The following TMEFF2 variants were observed in gnomAD, a reference collection of about 807,000 sequenced individuals.
The protein encoded by TMEFF2 is transmembrane protein with EGF like and two follistatin like domains 2.
Under a neutral mutation model 53.8 loss-of-function variants are expected in TMEFF2, and 28 were observed. The ratio of observed to expected loss-of-function variants is 0.52; its 90% CI spans 0.39 to 0.71. TMEFF2 has a LOEUF of 0.71. TMEFF2 is among the 30% of genes least tolerant of loss of function. The pLI, the probability that TMEFF2 is intolerant of heterozygous loss-of-function variation, is 0.00. For synonymous variants in TMEFF2, 162 were observed against 166.3 expected (o/e 0.97, Z 0.20); for missense variants, 353 against 455.2 (o/e 0.78, Z 2.04).
At chr2:191,988,967 T>C (rs1442526750) in intron 7 of TMEFF2, among the ~76,000 whole-genome samples, 1 of 152,216 alleles carries the variant, frequency 6.6e-6, no homozygotes, top group Non-Finnish European at 1.5e-5. Context: ...TAAAAAGCAT[T>C]TGCTAGCATA....
intron 4 of TMEFF2, among the ~76,000 whole-genome samples, chr2:192,158,866 A>G (rs559265447): frequency 6.6e-6 from 1 of 152,278 alleles, no homozygotes; most frequent in African/African-American, 2.4e-5. Flanking sequence ...ATGCCAAATT[A>G]TTCAACACCT....
intron 4 of TMEFF2, among the ~76,000 whole-genome samples, chr2:192,160,355 A>T (rs1219863305): frequency 1.3e-5 from 2 of 152,198 alleles, no homozygotes; most frequent in African/African-American, 2.4e-5. Context: ...CACTTTAGTG[A>T]TAGATGTTTA....
rs140451688 is a variant in TMEFF2, at chr2:192,098,105, TA to T, written c.440-40331del. ...CAATGCTTTTGGCTAGGAAGTGATC[TA>T]AAAATAATATTCTCAAATTTGAATT... On this transcript the variant is annotated intron_variant, in intron 4 of 9. Coordinates refer to ENST00000272771, the MANE Select transcript of TMEFF2 (RefSeq NM_016192.4). Among the ~76,000 whole-genome samples, 1,052 of 152,328 alleles carry T rather than the reference TA, an allele frequency of 6.9e-3. 18 individuals are homozygous for T. Among genetic ancestry groups the T allele is most frequent in the African/African-American group, 0.023 (944 of 41,572 alleles).
chr2:192,060,110 G>C (rs1688008966), intron 4 of TMEFF2, among the ~76,000 whole-genome samples: 1 of 151,772 alleles, frequency 6.6e-6, no homozygotes, highest in Admixed American at 6.6e-5. Flanking sequence ...TTAGTTTGGG[G>C]CTTCAATATG....
In TMEFF2 at chr2:192,079,794, C is replaced by T. The variant is rs369853539; in HGVS notation, c.440-22019G>A. On this transcript the variant is annotated intron_variant, in intron 4 of 9. Coordinates refer to ENST00000272771, the MANE Select transcript of TMEFF2 (RefSeq NM_016192.4). ...TTGTTTTTTATTAGTTTTTAAATAACCCAAACATGTGTATTGCTTGGTATT... is the reference window on the plus strand; with the variant it reads ...TTGTTTTTTATTAGTTTTTAAATAATCCAAACATGTGTATTGCTTGGTATT... Among the ~76,000 whole-genome samples the T allele has an allele frequency of 3.2e-4, 48 of 152,080 alleles. 2 individuals carry two copies. In the South Asian group the frequency reaches 9.3e-3, roughly 30 times the overall value.
chr2:192,102,950 C>G (rs1462198962), intron 4 of TMEFF2, among the ~76,000 whole-genome samples: 1 of 148,916 alleles, frequency 6.7e-6, no homozygotes, highest in Non-Finnish European at 1.5e-5. Flanking sequence ...TTTTTTTTTT[C>G]TATGAGCATT....
At chr2:191,952,129 A>G (rs1691904100) in intron 9 of TMEFF2, among the ~76,000 whole-genome samples, 1 of 152,172 alleles carries the variant, frequency 6.6e-6, no homozygotes, top group South Asian at 2.1e-4. Context: ...GAAAGTGGAG[A>G]TAATTGTTTC....
At chr2:192,089,422 T>C (rs1244763479) in intron 4 of TMEFF2, among the ~76,000 whole-genome samples, 2 of 150,690 alleles carry the variant, frequency 1.3e-5, no homozygotes, top group Non-Finnish European at 2.9e-5. Flanking sequence ...AATTCTGTGA[T>C]AACTCCAGAG....
chr2:192,021,126 A>AGG (rs897963820), intron 5 of TMEFF2, among the ~76,000 whole-genome samples: 2 of 152,152 alleles, frequency 1.3e-5, no homozygotes, highest in African/African-American at 4.8e-5. Context: ...TTGCAAGCAC[A>AGG]GGTGTTGTCT....
intron 4 of TMEFF2, among the ~76,000 whole-genome samples, chr2:192,144,411 C>A (rs1690204362): frequency 6.6e-6 from 1 of 152,068 alleles, no homozygotes; most frequent in African/African-American, 2.4e-5. Flanking sequence ...CAGACTCATA[C>A]TCATCCCATA....
chr2:192,016,226 A>C (rs183821903), intron 5 of TMEFF2, among the ~76,000 whole-genome samples: 1 of 152,354 alleles, frequency 6.6e-6, no homozygotes, highest in Admixed American at 6.5e-5. Flanking sequence ...ATTAGAAATC[A>C]GGGTATAGGG....
intron 7 of TMEFF2, among the ~76,000 whole-genome samples, chr2:191,987,053 C>G (rs1167267202): frequency 6.6e-6 from 1 of 152,000 alleles, no homozygotes; most frequent in Non-Finnish European, 1.5e-5. Context: ...TAATCCCTAG[C>G]ACCAAAAAGC....
In TMEFF2 at chr2:191,999,236, T is replaced by A. The variant is rs1369448289; in HGVS notation, c.537-28A>T. The A allele has an allele frequency of 1.9e-6, 3 of 1,552,146 alleles. No individual in the cohort carries two copies. The Admixed American group carries it at 5.3e-5, about 27-fold the overall frequency. Reference sequence around the variant, plus strand: ...AAAAAAAGAGAGAAATAAAAACATGTAACATCAATAGTGTTGTTACCACAT... The same window carrying A: ...AAAAAAAGAGAGAAATAAAAACATGAAACATCAATAGTGTTGTTACCACAT... On this transcript the variant is annotated intron_variant, in intron 5 of 9. Coordinates refer to ENST00000272771, the MANE Select transcript of TMEFF2 (RefSeq NM_016192.4).
chr2:192,045,921 G>A (rs534513617), intron 5 of TMEFF2, among the ~76,000 whole-genome samples: 3 of 152,152 alleles, frequency 2.0e-5, no homozygotes, highest in South Asian at 2.1e-4. Context: ...ATGGACTTAC[G>A]GAATGCTTTA....
rs1689079434 is a variant in TMEFF2 at position 192,103,469 on chromosome 2, T to TGCTTCCA, written c.440-45701_440-45695dup. ...TCCTTAGAATAATTGGTCTTTGTCT[T>TGCTTCCA]GCTTCCATTTCAGATGTACAGTAAT... is the stretch of plus-strand genomic sequence containing the variant. On this transcript the variant is annotated intron_variant, in intron 4 of 9. Transcript: ENST00000272771. Among the ~76,000 whole-genome samples the TGCTTCCA allele has an allele frequency of 2.6e-5, 4 of 152,300 alleles. No individual in the cohort carries two copies. The South Asian group carries it at 8.3e-4, about 32-fold the overall frequency.
intron 7 of TMEFF2, among the ~76,000 whole-genome samples, chr2:191,997,610 T>C (rs1039029567): frequency 6.6e-6 from 1 of 151,590 alleles, no homozygotes; most frequent in Non-Finnish European, 1.5e-5. Flanking sequence ...AAAATTTCAG[T>C]TGTATACCCA....
In TMEFF2 at chr2:191,964,259, C is replaced by T. The variant is rs564682659; in HGVS notation, c.746-7881G>A. 1.0e-2 allele frequency among the ~76,000 whole-genome samples: 44 copies of T among 4,422 alleles called. 1 individual carries two copies. The highest frequency in any genetic ancestry group is 0.014 in the Admixed American group (3 of 216). The allele number at this position is 4,422 out of a possible 152,430, so 2.9% of individuals were successfully genotyped here. A position where few individuals can be genotyped will look rare whatever the true frequency, so the allele number is the denominator to read the frequency against. ...TTCCTTCCTTCCTTCCTTCCTTCCTCCTTTCTTTTCTTTTTTCTTTTCCTT... is the reference window on the plus strand; with the variant it reads ...TTCCTTCCTTCCTTCCTTCCTTCCTTCTTTCTTTTCTTTTTTCTTTTCCTT... On this transcript the variant is annotated intron_variant, in intron 7 of 9. Transcript: ENST00000272771.
rs1553518820 is a variant in TMEFF2 at position 192,075,310 on chromosome 2, T to TATATATATAAATATAA, written c.440-17536_440-17535insTTATATTTATATATAT. Among the ~76,000 whole-genome samples the TATATATATAAATATAA allele has an allele frequency of 9.5e-3, 715 of 74,884 alleles. 35 individuals carry two copies. The highest frequency in any genetic ancestry group is 0.014 in the Non-Finnish European group (537 of 37,242). The allele number at this position is 74,884 out of a possible 152,430, so 49.1% of individuals were successfully genotyped here. A position where few individuals can be genotyped will look rare whatever the true frequency, so the allele number is the denominator to read the frequency against. Reference sequence around the variant, plus strand: ...TTATATATATATATATATATATATATATATATATATATATATATATATACA... The same window carrying TATATATATAAATATAA: ...TTATATATATATATATATATATATATATATATATAAATATAAATATATATATATATATATATATACA... On this transcript the variant is annotated intron_variant, in intron 4 of 9. Transcript: ENST00000272771.
chr2:192,025,085 A>G (rs1363324693), intron 5 of TMEFF2, among the ~76,000 whole-genome samples: 1 of 152,212 alleles, frequency 6.6e-6, no homozygotes, highest in African/African-American at 2.4e-5. Flanking sequence ...CTCAGGACTA[A>G]GTAATGATCC....
Sources: gnomAD v4.1 joint callset for allele counts (sites outside exome capture counted in the v4.1 genomes callset) on GRCh38, gnomAD v4.1.1 for gene constraint, MANE v1.5 for transcripts, NCBI Gene and HGNC (gene_info 2026-07-23, HGNC 2026-07-21) for gene names.